Variants in STMND1 observed in about 807,000 individuals in gnomAD.
STMND1 encodes stathmin domain containing 1, also known as stathmin domain-containing protein 1.
A neutral mutation model predicts 23.0 loss-of-function variants in STMND1; 17 were observed. The observed-to-expected ratio is 0.74, with a 90% CI of 0.51 to 1.11. The LOEUF is 1.11. Ranked by LOEUF, STMND1 falls within the 50% of genes least tolerant of loss-of-function variation. The probability of loss-of-function intolerance (pLI) is 0.00; values close to 1 mark genes in which losing one functional copy is unlikely to be tolerated. For synonymous variants in STMND1, 114 were observed against 119.9 expected, an observed-to-expected ratio of 0.95 and a Z score of 0.32; for missense variants, 305 against 329.1, an observed-to-expected ratio of 0.93 and a Z score of 0.57.
At chr6:17,128,268 A>AT (rs779110254) in intron 3 of STMND1, 4 of 152,146 alleles carry the variant, frequency 2.6e-5, no homozygotes, top group Admixed American at 1.3e-4. Flanking sequence ...ATGAAGTGGG[A>AT]TTTTTCCCCC....
At chr6:17,121,859 C>G (rs1375888909) in intron 3 of STMND1, among the ~76,000 whole-genome samples, 2 of 147,064 alleles carry the variant, frequency 1.4e-5, no homozygotes, top group African/African-American at 5.1e-5. Context: ...GTCTAGAGTT[C>G]TAAATTTTTT....
chr6:17,106,353 T>G (rs958830664), intron 1 of STMND1, among the ~76,000 whole-genome samples: 1 of 152,222 alleles, frequency 6.6e-6, no homozygotes, highest in African/African-American at 2.4e-5. Flanking sequence ...GGACAGGCAC[T>G]GTTTTTTAAT....
intron 1 of STMND1, 31 bp downstream of exon 1, chr6:17,102,369 AAC>A (rs766498548): frequency 8.6e-5 from 130 of 1,508,608 alleles, no homozygotes; most frequent in Middle Eastern, 1.7e-4. Flanking sequence ...CAAACAAACA[AAC>A]AGACAGAAAG....
chr6:17,119,764 G>A (rs1473510836), intron 2 of STMND1, among the ~76,000 whole-genome samples: 2 of 151,994 alleles, frequency 1.3e-5, no homozygotes, highest in East Asian at 3.9e-4. Context: ...AATGGACTTG[G>A]TTACTATCAG....
intron 1 of STMND1, among the ~76,000 whole-genome samples, chr6:17,109,399 A>C (rs1761069102): frequency 6.6e-6 from 1 of 152,202 alleles, no homozygotes; most frequent in South Asian, 2.1e-4. Flanking sequence ...GAATTATGAA[A>C]ACCTGATCGT....
At chr6:17,121,983 C>T (rs2113488988) in intron 3 of STMND1, among the ~76,000 whole-genome samples, 1 of 152,132 alleles carries the variant, frequency 6.6e-6, no homozygotes, top group South Asian at 2.1e-4. Flanking sequence ...CTGCCTCAGC[C>T]TCCTAGGCAG....
chr6:17,126,055 TATATATATATATA>T (rs1306944923), intron 3 of STMND1, among the ~76,000 whole-genome samples: 432 of 33,078 alleles, frequency 0.013, 9 homozygotes, highest in Middle Eastern at 0.021. Context: ...TATATATATA[TATATATATATATA>T]TATTTTTTTT....
In STMND1 at chr6:17,129,133, T is replaced by C. The variant is rs2113496613; in HGVS notation, c.433T>C (p.Leu145=). The change falls in exon 4 of 5, where the codon TTG becomes CTG. Residue 145 remains leucine (L), a synonymous_variant. Coordinates refer to ENST00000536551, the MANE Select transcript of STMND1 (RefSeq NM_001190766.2). ...CCAGTTGACTACGACTGAGAAGCCA[T>C]TGAGAAAGCCACCTTCCAGACTGAA... is the stretch of plus-strand genomic sequence containing the variant. ...DVTLTTTEKP[L]RKPPSRLKKL... is the part of the protein sequence containing the mutation. The C allele has an allele frequency of 1.0e-5, 16 of 1,535,928 alleles. No homozygotes were observed. Among genetic ancestry groups the C allele is most frequent in the Admixed American group, 2.0e-5 (1 of 51,006 alleles).
chr6:17,109,151 T>C (rs1049580467), intron 1 of STMND1, among the ~76,000 whole-genome samples: 6 of 152,192 alleles, frequency 3.9e-5, no homozygotes, highest in African/African-American at 1.4e-4. Flanking sequence ...GAAAAGCACA[T>C]CGTTGCTTTT....
intron 2 of STMND1, among the ~76,000 whole-genome samples, chr6:17,116,798 T>C (rs1761167242): frequency 6.6e-6 from 1 of 152,162 alleles, no homozygotes; most frequent in Non-Finnish European, 1.5e-5. Context: ...TTTCCTTGTT[T>C]AAAAAACTTT....
At chr6:17,126,066 ATATATTTTTTTT>A (rs1761297915) in intron 3 of STMND1, among the ~76,000 whole-genome samples, 2 of 23,296 alleles carry the variant, frequency 8.6e-5, no homozygotes, top group Non-Finnish European at 1.4e-4. Flanking sequence ...ATATATATAT[ATATATTTTTTTT>A]TTTTTTTTTT....
At chr6:17,121,019 T>C (rs766128028) in intron 3 of STMND1, among the ~76,000 whole-genome samples, 1 of 152,186 alleles carries the variant, frequency 6.6e-6, no homozygotes, top group Non-Finnish European at 1.5e-5. Flanking sequence ...AATTGAATCA[T>C]GGAGGTGGTT....
intron 1 of STMND1, among the ~76,000 whole-genome samples, chr6:17,112,654 G>A (rs1761109312): frequency 6.6e-6 from 1 of 152,144 alleles, no homozygotes; most frequent in South Asian, 2.1e-4. Context: ...GCAGGTGCCT[G>A]TAGTCCCAGC....
At chr6:17,105,863 T>A (rs1197077699) in intron 1 of STMND1, among the ~76,000 whole-genome samples, 2 of 151,166 alleles carry the variant, frequency 1.3e-5, no homozygotes, top group Non-Finnish European at 3.0e-5. Flanking sequence ...AGGCGGAACT[T>A]GCAGTGAGCC....
chr6:17,121,878 T>C (rs1246910708), intron 3 of STMND1, among the ~76,000 whole-genome samples: 2 of 151,944 alleles, frequency 1.3e-5, no homozygotes, highest in Non-Finnish European at 2.9e-5. Context: ...TTTTTTTTTT[T>C]TTGAGATGGA....
intron 3 of STMND1, among the ~76,000 whole-genome samples, chr6:17,125,945 C>T (rs535124876): frequency 2.8e-4 from 41 of 147,956 alleles, no homozygotes; most frequent in Admixed American, 1.3e-3. Context: ...AATGATTGAA[C>T]TGGTAACTTC....
At chr6:17,103,009 A>G (rs1375135698) in intron 1 of STMND1, among the ~76,000 whole-genome samples, 1 of 152,042 alleles carries the variant, frequency 6.6e-6, no homozygotes, top group Non-Finnish European at 1.5e-5. Flanking sequence ...ATTATGGGGA[A>G]TTTTTTCCAG....
At chr6:17,110,195 C>G (rs976795589) in intron 1 of STMND1, among the ~76,000 whole-genome samples, 12 of 152,158 alleles carry the variant, frequency 7.9e-5, no homozygotes, top group Non-Finnish European at 1.6e-4. Context: ...AAGATACAAA[C>G]TTTTATCACA....
At chr6:17,105,272 A>G (rs1343195263) in intron 1 of STMND1, among the ~76,000 whole-genome samples, 3 of 152,190 alleles carry the variant, frequency 2.0e-5, no homozygotes, top group African/African-American at 4.8e-5. Flanking sequence ...GGTTAAATAA[A>G]CTCAGTATAA....
Sources: allele counts gnomAD v4.1 joint callset (sites outside exome capture counted in the v4.1 genomes callset), GRCh38; gene constraint gnomAD v4.1.1; transcripts MANE v1.5; gene names NCBI Gene and HGNC (gene_info 2026-07-23, HGNC 2026-07-21).